FANCG: variants seen among roughly 807,000 people sequenced by gnomAD.
FANCG encodes the protein Fanconi anemia group G protein.
In FANCG, 67 loss-of-function variants were observed where a neutral mutation model predicts 73.3. The ratio of observed to expected loss-of-function variants is 0.91; its 90% CI spans 0.75 to 1.12. The LOEUF (loss-of-function observed/expected upper bound fraction) is 1.12, where lower values mean the gene tolerates loss of function less well. Among genes scored for constraint, FANCG ranks in the 50% most tolerant of loss-of-function variants. The probability of loss-of-function intolerance (pLI) is 0.00; values close to 1 mark genes in which losing one functional copy is unlikely to be tolerated. For missense variants in FANCG, 643 were observed against 735.6 expected, an observed-to-expected ratio of 0.87 and a Z score of 1.46; for synonymous variants, 297 against 311.6, an observed-to-expected ratio of 0.95 and a Z score of 0.49.
intron 5 of FANCG, 69 bp downstream of exon 5, chr9:35,077,195 A>G: frequency 1.9e-6 from 3 of 1,613,428 alleles, no homozygotes; most frequent in Non-Finnish European, 2.5e-6. Flanking sequence ...ACTGAATGGG[A>G]CAAGAGAGAG....
At chr9:35,077,128 G>A (rs2131056764) in intron 5 of FANCG, 27 bp from the exon 6 acceptor site, 1 of 1,614,160 alleles carries the variant, frequency 6.2e-7, no homozygotes, top group Non-Finnish European at 8.5e-7. Context: ...TGTGAGCTTG[G>A]AGAGGGCTAT....
At chr9:35,078,383 G>C in intron 3 of FANCG, 40 bp from the exon 4 acceptor site, 1 of 1,594,556 alleles carries the variant, frequency 6.3e-7, no homozygotes, top group African/African-American at 1.3e-5. Flanking sequence ...ACACACAGCT[G>C]AAGTAGCACC....
chr9:35,074,537 A>G (rs759587128), intron 12 of FANCG, 43 bp from the exon 13 acceptor site: 53 of 1,613,280 alleles, frequency 3.3e-5, no homozygotes, highest in Non-Finnish European at 4.3e-5. Context: ...AACTTGACAT[A>G]GTCTTAGGCA....
Position 35,075,272 on chromosome 9 carries a change from A to G in FANCG, c.1480+7T>C, listed in dbSNP as rs374096159. The G allele has an allele frequency of 1.3e-5, 21 of 1,614,018 alleles. No individual in the cohort carries two copies. In the African/African-American group the frequency reaches 2.4e-4, roughly 18 times the overall value. Reference sequence around the variant, plus strand: ...GAGGTAAGAGGAAAACTGAAAGTTTAGATCACCTTGTTCTTTTTCCTCAGG... The same window carrying G: ...GAGGTAAGAGGAAAACTGAAAGTTTGGATCACCTTGTTCTTTTTCCTCAGG... On this transcript the variant is annotated splice_region_variant and intron_variant, in intron 11 of 13. Coordinates refer to ENST00000378643, the MANE Select transcript of FANCG (RefSeq NM_004629.2).
At position 35,075,053 on chromosome 9, in the gene FANCG, T is replaced by A; in HGVS notation, c.1510A>T (p.Lys504Ter). 6.2e-7 allele frequency: 1 copy of A among 1,614,194 alleles called. No individual in the cohort carries two copies. Among genetic ancestry groups the A allele is most frequent in the Non-Finnish European group, 8.5e-7 (1 of 1,180,042 alleles). Reference sequence around the variant, plus strand: ...AGCTGCTGCAGTGCCGCATCTGACTTACATCCCTGCTCACAGTTGAAAGCT... The same window carrying A: ...AGCTGCTGCAGTGCCGCATCTGACTAACATCCCTGCTCACAGTTGAAAGCT... ...GAAFNCEQGC[K>*]SDAALQQLRA... Residue 504 changes from lysine (K) to a stop codon, truncating the protein, a stop_gained, in exon 12 of 14, where the codon AAG becomes TAG. Transcript: ENST00000378643. LOFTEE classifies it high-confidence loss of function.
At chr9:35,078,783 C>T (rs1439744320) in intron 2 of FANCG, 47 bp from the exon 3 acceptor site, 1 of 1,613,024 alleles carries the variant, frequency 6.2e-7, no homozygotes, top group Non-Finnish European at 8.5e-7. Context: ...CATGGAAGAT[C>T]CTCCAAATAA....
chr9:35,078,215 G>A lies in FANCG; in HGVS notation c.436C>T (p.Gln146Ter), dbSNP rs1296888781. Residue 146 changes from glutamine to a stop codon, truncating the protein, a stop_gained, in exon 4 of 14, where the codon CAG (glutamine) becomes TAG (stop). Transcript: ENST00000378643. LOFTEE classifies it high-confidence loss of function. ...TCAGCACTCAACCAGAGGGCAGCCT[G>A]CAGGCCAACCAGGCGGTGCAGGGCA... is the stretch of plus-strand genomic sequence containing the variant. ...LSALHRLVGL[Q>*]AALWLSADRL... The A allele has an allele frequency of 4.3e-6, 7 of 1,614,098 alleles. No individual in the cohort carries two copies. The highest frequency in any genetic ancestry group is 5.9e-6 in the Non-Finnish European group (7 of 1,180,060).
intron 8 of FANCG, 36 bp from the exon 9 acceptor site, chr9:35,076,064 C>T: frequency 6.3e-7 from 1 of 1,598,702 alleles, no homozygotes; most frequent in Non-Finnish European, 8.6e-7. Context: ...CACCCTAGGC[C>T]CTAGCAGGGA....
Position 35,074,937 on chromosome 9 carries a change from C to G in FANCG, c.1626G>C (p.Gln542His), listed in dbSNP as rs1060501867. 8.1e-6 allele frequency: 13 copies of G among 1,614,122 alleles called. No individual in the cohort carries two copies. Among genetic ancestry groups the G allele is most frequent in the Non-Finnish European group, 1.1e-5 (13 of 1,180,050 alleles). ...TGCAAGTATACATACCTGGGCACAT[C>G]TGCACACTGAGGAGGAAGTCCTGTA... ...KALQDFLLSV[Q>H]MCPGNRDTYF... The change falls in exon 12 of 14, where the codon CAG (glutamine) becomes CAC (histidine). Residue 542 changes from glutamine to histidine, a missense_variant. Transcript: ENST00000378643.
chr9:35,073,973 A>T lies in FANCG; in HGVS notation c.*135T>A. The T allele has an allele frequency of 1.3e-6, 1 of 752,216 alleles. No homozygotes were observed. The allele number at this position is 752,216 out of a possible 1,614,324, so 46.6% of individuals were successfully genotyped here. A position where few individuals can be genotyped will look rare whatever the true frequency, so the allele number is the denominator to read the frequency against. ...TGGTAGTAACTAGGGCAAATTTCAC[A>T]GGCCTACCACCAATCTCACCAGTCC... On this transcript the variant is annotated 3_prime_UTR_variant, in exon 14 of 14. Transcript: ENST00000378643.
Position 35,079,488 on chromosome 9 carries a change from G to C in FANCG, c.37C>G (p.Leu13Val). ...TCATTCTTTTCCCTCCACAGGTCCA[G>C]GCAGCTGGAGCCCACAGAGGTGGTC... ...RQTTSVGSSC[L>V]DLWREKNDRL... Residue 13 changes from leucine (L) to valine (V), a missense_variant, in exon 1 of 14, where the codon CTG becomes GTG. Physicochemically the swap from Leu to Val is conservative, Grantham distance 32. Coordinates refer to ENST00000378643, the MANE Select transcript of FANCG (RefSeq NM_004629.2). 6.2e-7 allele frequency: 1 copy of C among 1,614,156 alleles called. No homozygotes were observed. Among genetic ancestry groups the C allele is most frequent in the Non-Finnish European group, 8.5e-7 (1 of 1,180,038 alleles).
At position 35,076,804 on chromosome 9, in the gene FANCG, G is replaced by C. The variant is rs770009374; in HGVS notation, c.844C>G (p.Pro282Ala). 1 of 1,614,184 alleles carries C rather than the reference G, an allele frequency of 6.2e-7. No individual in the cohort carries two copies. Among genetic ancestry groups the C allele is most frequent in the South Asian group, 1.1e-5 (1 of 91,082 alleles). Residue 282 changes from proline to alanine, a missense_variant, in exon 7 of 14, where the codon CCA (proline) becomes GCA (alanine). By Grantham distance (27) the Pro-to-Ala change is conservative (BLOSUM62 -1). Coordinates refer to ENST00000378643, the MANE Select transcript of FANCG (RefSeq NM_004629.2). ...TAGAGCCTAGAGGCCTCCAGAAGTG[G>C]AGGACCCCAGGCTGATCCCTCTTTC... ...ALKEGSAWGPPLLEASRLYQQ... is the reference protein window; with the variant it reads ...ALKEGSAWGPALLEASRLYQQ...
chr9:35,077,642 C>A (rs560777860), intron 4 of FANCG, among the ~76,000 whole-genome samples: 4 of 152,220 alleles, frequency 2.6e-5, no homozygotes, highest in South Asian at 2.1e-4. Context: ...CAGTGATGAT[C>A]TATTCCAGCG....
Position 35,079,697 on chromosome 9 carries a change from A to G in FANCG, c.-173T>C. 1.5e-6 allele frequency: 1 copy of G among 672,498 alleles called. No homozygotes were observed. Among genetic ancestry groups the G allele is most frequent in the Non-Finnish European group, 2.6e-6 (1 of 381,716 alleles). 41.7% of individuals were successfully genotyped at this position (672,498 alleles called of 1,614,324 possible). ...GCCCAGGCTTTCCAGGACAGATGGG[A>G]CGCTCTCTCCCCGCGGCCCGCCGGG... On this transcript the variant is annotated 5_prime_UTR_variant, in exon 1 of 14. Transcript: ENST00000378643.
Position 35,076,740 on chromosome 9 carries a change from AG to A in FANCG, c.907del (p.Leu303TrpfsTer4). 2 of 1,614,210 alleles carry A rather than the reference AG, an allele frequency of 1.2e-6. No homozygotes were observed. Among genetic ancestry groups the A allele is most frequent in the Non-Finnish European group, 8.5e-7 (1 of 1,180,034 alleles). On this transcript the variant is annotated frameshift_variant, in exon 7 of 14. Coordinates refer to ENST00000378643, the MANE Select transcript of FANCG (RefSeq NM_004629.2). LOFTEE classifies it high-confidence loss of function. ...GTTCCCTACCTCAACTAGCAGCTCCAGACTCTCCAGCTCTGCTGTTGTGTCC... is the reference window on the plus strand; with the variant it reads ...GTTCCCTACCTCAACTAGCAGCTCCAACTCTCCAGCTCTGCTGTTGTGTCC... The part of the protein sequence containing the change: ...LGDTTAELES[L>X]ELLVEALNVP...
Position 35,074,162 on chromosome 9 carries a change from A to G in FANCG, c.1815T>C (p.Arg605=), listed in dbSNP as rs1455440698. The change falls in exon 14 of 14, where the codon CGT becomes CGC. Residue 605 remains arginine (R), a synonymous_variant. Coordinates refer to ENST00000378643, the MANE Select transcript of FANCG (RefSeq NM_004629.2). ...SYLSWIRPSD[R]DAFLEEFRTS... is the part of the protein sequence containing the mutation. ...TCCGAAATTCTTCAAGGAAGGCGTC[A>G]CGATCAGAGGGACGGATCCAGCTCA... is the stretch of plus-strand genomic sequence containing the variant. The G allele has an allele frequency of 3.1e-6, 5 of 1,614,148 alleles. No homozygotes were observed. Among genetic ancestry groups the G allele is most frequent in the Non-Finnish European group, 3.4e-6 (4 of 1,180,054 alleles).
At chr9:35,079,062 G>A (rs1383929774) in intron 2 of FANCG, 89 bp downstream of exon 2, 2 of 1,149,144 alleles carry the variant, frequency 1.7e-6, no homozygotes, top group African/African-American at 1.5e-5. Context: ...CCTGCCCCGA[G>A]TAATTATATC....
intron 13 of FANCG, 62 bp from the exon 14 acceptor site, chr9:35,074,278 C>A: frequency 1.9e-6 from 3 of 1,610,458 alleles, no homozygotes; most frequent in Non-Finnish European, 2.5e-6. Context: ...GGCAGCCATA[C>A]CCCCGCTTTC....
chr9:35,075,764 G>C lies in FANCG; in HGVS notation c.1144-10C>G. 6.3e-7 allele frequency: 1 copy of C among 1,578,288 alleles called. No individual in the cohort carries two copies. Among genetic ancestry groups the C allele is most frequent in the Non-Finnish European group, 8.7e-7 (1 of 1,149,402 alleles). On this transcript the variant is annotated splice_polypyrimidine_tract_variant and intron_variant, in intron 9 of 13. Coordinates refer to ENST00000378643, the MANE Select transcript of FANCG (RefSeq NM_004629.2). ...AGGGGGGTGGGGAGAACTGGAGTGG[G>C]AAGAAGAAGCAGTGTCTTGAAAGGC... is the stretch of plus-strand genomic sequence containing the variant.
Sources: gnomAD v4.1 joint callset for allele counts (sites outside exome capture counted in the v4.1 genomes callset) on GRCh38, gnomAD v4.1.1 for gene constraint, MANE v1.5 for transcripts, NCBI Gene and HGNC (gene_info 2026-07-23, HGNC 2026-07-21) for gene names.